The following IL17RB variants were observed in gnomAD, a reference collection of about 807,000 sequenced individuals.
IL17RB encodes the protein interleukin 17 receptor B, also known as interleukin-17 receptor B.
IL17RB carries 36 observed loss-of-function variants against 43.9 expected under a neutral mutation model. The observed-to-expected ratio is 0.82, with a 90% CI of 0.63 to 1.08. The LOEUF is 1.08. IL17RB is among the 50% of genes least tolerant of loss of function. The pLI is 0.00. For synonymous variants in IL17RB, 225 were observed against 225.4 expected (o/e 1.00, Z 0.02); for missense variants, 613 against 613.6 (o/e 1.00, Z 0.01).
Position 53,846,654 on chromosome 3 carries a change from C to A in IL17RB, c.60+6C>A. 1.9e-6 allele frequency: 3 copies of A among 1,588,974 alleles called. No individual in the cohort carries two copies. The highest frequency in any genetic ancestry group is 1.7e-6 in the Non-Finnish European group (2 of 1,170,620). On this transcript the variant is annotated splice_donor_region_variant and intron_variant, in intron 1 of 10. Coordinates refer to ENST00000288167, the MANE Select transcript of IL17RB (RefSeq NM_018725.4). ...GCGCCGTACCCCGAGAGCCGGTAAG[C>A]CCCCGCCAGCACCTCTTCCCTCATC... is the stretch of plus-strand genomic sequence containing the variant.
intron 3 of IL17RB, 71 bp from the exon 4 acceptor site, chr3:53,851,928 A>G (rs1017310876): frequency 6.7e-7 from 1 of 1,490,498 alleles, no homozygotes; most frequent in African/African-American, 1.4e-5. Flanking sequence ...CATGCTAGTA[A>G]AGCATCTAGC....
rs3774626 is a variant in IL17RB, at chr3:53,865,574, C to T, written c.*266C>T. 0.057 allele frequency: 22,956 copies of T among 405,178 alleles called. 1,203 individuals carry two copies. Among genetic ancestry groups the T allele is most frequent in the Admixed American group, 0.17 (4,177 of 24,266 alleles). The allele number at this position is 405,178 out of a possible 1,614,324, so 25.1% of individuals were successfully genotyped here. ...AACTATAACCATTTTGATAATGCAA[C>T]AATAAAGCATCTTCAGCCAAACATC... On this transcript the variant is annotated 3_prime_UTR_variant, in exon 11 of 11. Coordinates refer to ENST00000288167, the MANE Select transcript of IL17RB (RefSeq NM_018725.4).
chr3:53,860,020 A>C, intron 9 of IL17RB, 110 bp from the exon 10 acceptor site: 1 of 786,788 alleles, frequency 1.3e-6, no homozygotes, highest in Non-Finnish European at 2.0e-6. Flanking sequence ...AAAACTAAAA[A>C]ATAATAAAAA....
At chr3:53,853,211 A>T (rs1390050157) in intron 5 of IL17RB, among the ~76,000 whole-genome samples, 3 of 152,228 alleles carry the variant, frequency 2.0e-5, no homozygotes, top group Admixed American at 2.0e-4. Context: ...CTGTTCCTGT[A>T]TGCCAGGCAC....
chr3:53,848,793 G>A, intron 2 of IL17RB, 105 bp downstream of exon 2: 1 of 1,176,672 alleles, frequency 8.5e-7, no homozygotes, highest in Non-Finnish European at 1.3e-6. Flanking sequence ...CAGACACAGG[G>A]TGACCCATTG....
At chr3:53,856,689 T>C (rs532512567) in intron 6 of IL17RB, among the ~76,000 whole-genome samples, 155 bp from the exon 7 acceptor site, 2 of 152,206 alleles carry the variant, frequency 1.3e-5, no homozygotes, top group Non-Finnish European at 2.9e-5. Context: ...TTTGAGACTT[T>C]GGAAACAATG....
chr3:53,852,258 C>A, intron 4 of IL17RB, 132 bp downstream of exon 4: 1 of 831,272 alleles, frequency 1.2e-6, no homozygotes. Flanking sequence ...CGTTCTACTT[C>A]AGCCTCCCAA....
chr3:53,865,134 G>C lies in IL17RB; in HGVS notation c.1335G>C (p.Val445=). The C allele has an allele frequency of 6.2e-7, 1 of 1,614,112 alleles. No homozygotes were observed. Among genetic ancestry groups the C allele is most frequent in the East Asian group, 2.2e-5 (1 of 44,880 alleles). Residue 445 remains valine (V), a synonymous_variant, in exon 11 of 11, where the codon GTG becomes GTC. Transcript: ENST00000288167. ...RSQIHLHKYV[V]VYFREIDTKD... ...AGATTCATCTGCACAAATACGTGGT[G>C]GTCTACTTTAGAGAGATTGATACAA...
chr3:53,851,994 G>A lies in IL17RB; in HGVS notation c.227-5G>A, dbSNP rs369622906. On this transcript the variant is annotated splice_polypyrimidine_tract_variant and splice_region_variant and intron_variant, in intron 3 of 10. Transcript: ENST00000288167. Reference sequence around the variant, plus strand: ...AAACCAATGTCCTCTTGCCTATCTCGGCAGCCAGCATCCGCTTGTTGAAGG... The same window carrying A: ...AAACCAATGTCCTCTTGCCTATCTCAGCAGCCAGCATCCGCTTGTTGAAGG... 81 of 1,613,974 alleles carry A rather than the reference G, an allele frequency of 5.0e-5. No individual in the cohort carries two copies. Among genetic ancestry groups the A allele is most frequent in the Admixed American group, 1.2e-4 (7 of 59,990 alleles).
intron 6 of IL17RB, among the ~76,000 whole-genome samples, chr3:53,856,639 G>A (rs1699342659): frequency 6.6e-6 from 1 of 152,190 alleles, no homozygotes; most frequent in Non-Finnish European, 1.5e-5. Flanking sequence ...TAGCAAAGCA[G>A]CGATGTACGG....
intron 1 of IL17RB, among the ~76,000 whole-genome samples, chr3:53,847,485 T>TAAAAA (rs11332832): frequency 7.1e-6 from 1 of 140,806 alleles, no homozygotes. Flanking sequence ...GCTCATTTGT[T>TAAAAA]AAAAAAAAAA....
At chr3:53,862,017 A>ACT (rs1699580753) in intron 10 of IL17RB, among the ~76,000 whole-genome samples, 1 of 152,194 alleles carries the variant, frequency 6.6e-6, no homozygotes, top group East Asian at 1.9e-4. Context: ...GGAAAAGATA[A>ACT]ACACCAGCTG....
chr3:53,863,323 T>C (rs1260450680), intron 10 of IL17RB, among the ~76,000 whole-genome samples: 1 of 152,170 alleles, frequency 6.6e-6, no homozygotes, highest in African/African-American at 2.4e-5. Flanking sequence ...TCTAAGGGCT[T>C]TGCTAACTTC....
rs1408645559 is a variant in IL17RB, at chr3:53,855,291, C to T, written c.482-3C>T. ...ATGTAAAAACTTTCATTCAAATTTC[C>T]AGGCTGCCTAGACCACATAATGAAA... On this transcript the variant is annotated splice_region_variant and splice_polypyrimidine_tract_variant and intron_variant, in intron 5 of 10. Transcript: ENST00000288167. The T allele has an allele frequency of 6.2e-7, 1 of 1,602,124 alleles. No individual in the cohort carries two copies. The highest frequency in any genetic ancestry group is 1.3e-5 in the African/African-American group (1 of 74,506).
Position 53,857,659 on chromosome 3 carries a change from TG to T in IL17RB, c.717del (p.Thr240LeufsTer11). ...ACGCGAGCTTCAGTGGTGATTCCAG[TG>T]ACTGGGGATAGTGAAGGTGCTACGG... ...KQTRASVVIP[V>X]TGDSEGATVQ... is the part of the protein sequence containing the mutation. On this transcript the variant is annotated frameshift_variant, in exon 8 of 11. Coordinates refer to ENST00000288167, the MANE Select transcript of IL17RB (RefSeq NM_018725.4). LOFTEE classifies it high-confidence loss of function. The T allele has an allele frequency of 6.2e-7, 1 of 1,614,156 alleles. No homozygotes were observed. The highest frequency in any genetic ancestry group is 8.5e-7 in the Non-Finnish European group (1 of 1,180,010).
chr3:53,858,566 T>A, intron 8 of IL17RB, 153 bp from the exon 9 acceptor site: 3 of 1,447,838 alleles, frequency 2.1e-6, no homozygotes, highest in Non-Finnish European at 1.8e-6. Context: ...AGGGCTTTGT[T>A]ACAGATGTGT....
rs201153830 is a variant in IL17RB at position 53,852,910 on chromosome 3, A to G, written c.394A>G (p.Thr132Ala). 5.8e-5 allele frequency: 93 copies of G among 1,613,808 alleles called. No individual in the cohort carries two copies. Among genetic ancestry groups the G allele is most frequent in the Admixed American group, 3.5e-4 (21 of 60,030 alleles). The change falls in exon 5 of 11, where the codon ACA (threonine) becomes GCA (alanine). Residue 132 changes from threonine (T) to alanine (A), a missense_variant. By Grantham distance (58) the Thr-to-Ala change is moderately conservative. Coordinates refer to ENST00000288167, the MANE Select transcript of IL17RB (RefSeq NM_018725.4). ...CATCGGCTTCCCTGTAGAGCTGAAC[A>G]CAGTCTATTTCATTGGGGCCCATAA... Reference protein sequence around the residue: ...SYIGFPVELNTVYFIGAHNIP... With the variant: ...SYIGFPVELNAVYFIGAHNIP...
chr3:53,853,213 G>A (rs1005729674), intron 5 of IL17RB, among the ~76,000 whole-genome samples: 3 of 152,180 alleles, frequency 2.0e-5, no homozygotes, highest in Non-Finnish European at 2.9e-5. Flanking sequence ...GTTCCTGTAT[G>A]CCAGGCACTG....
chr3:53,848,007 G>A (rs2107000860), intron 1 of IL17RB, among the ~76,000 whole-genome samples: 1 of 152,286 alleles, frequency 6.6e-6, no homozygotes, highest in South Asian at 2.1e-4. Context: ...GCTGCCTAAA[G>A]CCCCAATATT....
Sources: allele counts gnomAD v4.1 joint callset (sites outside exome capture counted in the v4.1 genomes callset), GRCh38; gene constraint gnomAD v4.1.1; transcripts MANE v1.5; gene names NCBI Gene and HGNC (gene_info 2026-07-23, HGNC 2026-07-21).